The following HDAC8 variants were observed in gnomAD, a reference collection of about 807,000 sequenced individuals.
HDAC8 encodes histone deacetylase-like 1.
In HDAC8, 1 loss-of-function variant was observed where a neutral mutation model predicts 32.2. The observed-to-expected ratio is 0.03, with a 90% CI of 0.01 to 0.15. The LOEUF (loss-of-function observed/expected upper bound fraction) is 0.15, where lower values mean the gene tolerates loss of function less well. Among genes scored for constraint, HDAC8 ranks in the 10% least tolerant of loss-of-function variants. HDAC8 has a pLI of 1.00. For synonymous variants in HDAC8, 108 were observed against 113.9 expected (o/e 0.95, Z 0.33); for missense variants, 117 against 300.0 (o/e 0.39, Z 4.51).
chrX:72,352,071 T>C (rs1315597253), intron 9 of HDAC8, among the ~76,000 whole-genome samples: 1 of 111,941 alleles, frequency 8.9e-6, no homozygotes, highest in Non-Finnish European at 1.9e-5. Context: ...TCCAACGGTC[T>C]CTCTGCTTAG....
intron 9 of HDAC8, among the ~76,000 whole-genome samples, chrX:72,440,965 G>A (rs952753407): frequency 4.4e-5 from 5 of 112,782 alleles, no homozygotes; most frequent in Non-Finnish European, 7.5e-5. Flanking sequence ...ACTGCAAGGC[G>A]GCAGCGAGGC....
At chrX:72,564,075 G>T (rs782518254) in intron 4 of HDAC8, among the ~76,000 whole-genome samples, 9 of 111,012 alleles carry the variant, frequency 8.1e-5, no homozygotes, top group Admixed American at 3.8e-4. Context: ...CAGGAGAATC[G>T]CTTGAACCCG....
intron 7 of HDAC8, chrX:72,480,369 T>C (rs1004637258): frequency 7.3e-5 from 24 of 329,207 alleles, no homozygotes; most frequent in South Asian, 6.3e-4. Context: ...ATGGGGAATG[T>C]ATTAGCTTGT....
intron 9 of HDAC8, among the ~76,000 whole-genome samples, chrX:72,417,613 A>T: frequency 8.9e-6 from 1 of 112,127 alleles, no homozygotes; most frequent in Non-Finnish European, 1.9e-5. Context: ...AGATAGGAAG[A>T]CTCAATATTT....
At chrX:72,449,777 A>T (rs191562401) in intron 9 of HDAC8, among the ~76,000 whole-genome samples, 9 of 111,739 alleles carry the variant, frequency 8.1e-5, no homozygotes, top group African/African-American at 2.3e-4. Flanking sequence ...TGATATAGGG[A>T]CATTTTTTAA....
intron 9 of HDAC8, among the ~76,000 whole-genome samples, chrX:72,410,385 G>A (rs902907459): frequency 1.8e-5 from 2 of 110,983 alleles, no homozygotes; most frequent in African/African-American, 6.6e-5. Flanking sequence ...CAGATTTAGG[G>A]AGCTGTACAA....
intron 4 of HDAC8, among the ~76,000 whole-genome samples, chrX:72,565,133 A>G (rs1556130821): frequency 8.9e-6 from 1 of 112,518 alleles, no homozygotes; most frequent in Non-Finnish European, 1.9e-5. Flanking sequence ...GGGAAACAAT[A>G]TATCTTGCTT....
chrX:72,537,249 A>T (rs2050560046), intron 4 of HDAC8, among the ~76,000 whole-genome samples: 1 of 112,276 alleles, frequency 8.9e-6, no homozygotes. Context: ...TATGGCACAG[A>T]TAAATCATTC....
chrX:72,572,135 AAAAG>A (rs782107561), intron 1 of HDAC8, 26 bp from the exon 2 acceptor site: 1 of 1,161,301 alleles, frequency 8.6e-7, no homozygotes, highest in Non-Finnish European at 1.2e-6. Flanking sequence ...TAAAAAAAAA[AAAAG>A]AAAAGCAGAA....
Position 72,422,181 on chromosome X carries a change from T to G in HDAC8, c.1005+39823A>C, listed in dbSNP as rs782233562. Among the ~76,000 whole-genome samples the G allele has an allele frequency of 1.4e-4, 16 of 111,317 alleles. No homozygotes were observed. The East Asian group carries it at 4.5e-3, about 31-fold the overall frequency. Reference sequence around the variant, plus strand: ...TCTACTTGGAGTTCATTAAGCCTCTTGGATCCTTATGTTCAATGCTTTTCA... The same window carrying G: ...TCTACTTGGAGTTCATTAAGCCTCTGGGATCCTTATGTTCAATGCTTTTCA... On this transcript the variant is annotated intron_variant, in intron 9 of 10. Coordinates refer to ENST00000373573, the MANE Select transcript of HDAC8 (RefSeq NM_018486.3).
At chrX:72,551,337 TATC>T (rs1282131767) in intron 4 of HDAC8, among the ~76,000 whole-genome samples, 1 of 111,939 alleles carries the variant, frequency 8.9e-6, no homozygotes, top group Admixed American at 9.5e-5. Context: ...CATCTTGAAA[TATC>T]ATGCAATTTT....
intron 9 of HDAC8, chrX:72,376,915 C>T (rs1271350990): frequency 9.0e-6 from 1 of 110,995 alleles, no homozygotes; most frequent in Non-Finnish European, 1.9e-5. Flanking sequence ...TGTTTTCATT[C>T]ATCTTGGAGT....
intron 9 of HDAC8, among the ~76,000 whole-genome samples, chrX:72,406,605 C>G (rs1030712604): frequency 1.7e-4 from 19 of 111,942 alleles, no homozygotes; most frequent in African/African-American, 5.9e-4. Context: ...TATTCAGACT[C>G]CAAACCTAGT....
At chrX:72,361,276 G>A (rs1555952430) in intron 9 of HDAC8, among the ~76,000 whole-genome samples, 1 of 111,208 alleles carries the variant, frequency 9.0e-6, no homozygotes, top group African/African-American at 3.3e-5. Context: ...GCATGGAAAT[G>A]GTTTTATTTT....
intron 4 of HDAC8, among the ~76,000 whole-genome samples, chrX:72,533,293 G>A (rs782605054): frequency 1.7e-4 from 19 of 111,930 alleles, no homozygotes; most frequent in Non-Finnish European, 3.0e-4. Flanking sequence ...TGGGAATTGT[G>A]AGTCCTCCAA....
At chrX:72,346,829 G>A (rs781870696) in intron 10 of HDAC8, among the ~76,000 whole-genome samples, 93 of 112,080 alleles carry the variant, frequency 8.3e-4, no homozygotes, top group Middle Eastern at 4.6e-3. Flanking sequence ...GAATTTCAAA[G>A]GTTGCCCAAG....
At chrX:72,565,570 T>C (rs781980360) in intron 4 of HDAC8, among the ~76,000 whole-genome samples, 2 of 112,204 alleles carry the variant, frequency 1.8e-5, no homozygotes, top group Middle Eastern at 4.6e-3. Context: ...TGTACTTCCT[T>C]TGGCAGCAAA....
At chrX:72,507,101 G>A (rs1295607294) in intron 4 of HDAC8, among the ~76,000 whole-genome samples, 8 of 110,972 alleles carry the variant, frequency 7.2e-5, no homozygotes, top group South Asian at 3.8e-4. Flanking sequence ...CACCCACCTC[G>A]GCCTCCCAAA....
intron 9 of HDAC8, among the ~76,000 whole-genome samples, chrX:72,431,373 T>G (rs1188323401): frequency 8.9e-6 from 1 of 111,792 alleles, no homozygotes; most frequent in African/African-American, 3.3e-5. Context: ...CAGCTTCCTC[T>G]CCCATGCTGC....
Sources: allele counts gnomAD v4.1 joint callset (sites outside exome capture counted in the v4.1 genomes callset), GRCh38; gene constraint gnomAD v4.1.1; transcripts MANE v1.5; gene names NCBI Gene and HGNC (gene_info 2026-07-23, HGNC 2026-07-21).